CFAP44: variants seen among roughly 807,000 people sequenced by gnomAD.
CFAP44 encodes cilia- and flagella-associated protein 44.
A neutral mutation model predicts 216.2 loss-of-function variants in CFAP44; 134 were observed. The observed-to-expected ratio is 0.62, with a 90% CI of 0.54 to 0.72. The LOEUF is 0.72. CFAP44 is among the 30% of genes least tolerant of loss of function. The pLI, the probability that CFAP44 is intolerant of heterozygous loss-of-function variation, is 0.00. For synonymous variants in CFAP44, 700 were observed against 727.6 expected, an observed-to-expected ratio of 0.96 and a Z score of 0.61; for missense variants, 2,035 against 2,182.1, an observed-to-expected ratio of 0.93 and a Z score of 1.34.
At chr3:113,428,187 C>T (rs1340212682) in intron 2 of CFAP44, among the ~76,000 whole-genome samples, 1 of 152,308 alleles carries the variant, frequency 6.6e-6, no homozygotes, top group African/African-American at 2.4e-5. Flanking sequence ...AATACCTTAG[C>T]TCTTTCTTGT....
chr3:113,427,068 T>C, intron 3 of CFAP44, 119 bp downstream of exon 3: 1 of 1,103,186 alleles, frequency 9.1e-7, no homozygotes, highest in Non-Finnish European at 1.3e-6. Context: ...CCTTTTATCA[T>C]TCCCACACAT....
chr3:113,440,924 G>A (rs1001390844), intron 1 of CFAP44, among the ~76,000 whole-genome samples: 20 of 152,168 alleles, frequency 1.3e-4, no homozygotes, highest in Non-Finnish European at 2.5e-4. Context: ...ACATGTATGC[G>A]ACTGTCTTTA....
At chr3:113,412,164 G>A (rs1042518146) in intron 6 of CFAP44, among the ~76,000 whole-genome samples, 12 of 152,124 alleles carry the variant, frequency 7.9e-5, no homozygotes, top group African/African-American at 2.7e-4. Context: ...TTCTGGCCGG[G>A]CAATCAGGCA....
chr3:113,395,361 G>A (rs1391657391), intron 15 of CFAP44, among the ~76,000 whole-genome samples: 1 of 152,190 alleles, frequency 6.6e-6, no homozygotes, highest in Non-Finnish European at 1.5e-5. Flanking sequence ...TAAAGATGAG[G>A]AAAAGTACAT....
At position 113,366,094 on chromosome 3, in the gene CFAP44, A is replaced by C; in HGVS notation, c.2660T>G (p.Ile887Ser). The C allele has an allele frequency of 6.2e-7, 1 of 1,613,974 alleles. No homozygotes were observed. Among genetic ancestry groups the C allele is most frequent in the Non-Finnish European group, 8.5e-7 (1 of 1,179,920 alleles). Residue 887 changes from isoleucine (I) to serine (S), a missense_variant, in exon 19 of 35, where the codon ATT (isoleucine) becomes AGT (serine). By Grantham distance (142) the Ile-to-Ser change is moderately radical (BLOSUM62 -2). This residue lies in a region of CFAP44 where 1,883 missense variants were observed against 2,023.7 expected (regional missense o/e 0.93). Transcript: ENST00000393845. ...GADGNIFVFN[I>S]FSEFMLRKDM... Reference sequence around the variant, plus strand: ...TTTCCTTAGCATAAATTCAGAAAAAATGTTGAAAACAAAGATATTGCCATC... The same window carrying C: ...TTTCCTTAGCATAAATTCAGAAAAACTGTTGAAAACAAAGATATTGCCATC...
At position 113,420,094 on chromosome 3, in the gene CFAP44, G is replaced by C. The variant is rs1189290280; in HGVS notation, c.493C>G (p.Leu165Val). 1.9e-6 allele frequency: 3 copies of C among 1,614,026 alleles called. No homozygotes were observed. Among genetic ancestry groups the C allele is most frequent in the Non-Finnish European group, 2.5e-6 (3 of 1,179,950 alleles). ...TTGGTTTTCAAATTCAGAAAGATCAGTTGGTTCCCAGCTATGTATATGGCG... is the reference window on the plus strand; with the variant it reads ...TTGGTTTTCAAATTCAGAAAGATCACTTGGTTCCCAGCTATGTATATGGCG... ...SIAIYIAGNQLIFLNLKTKEQ... is the reference protein window; with the variant it reads ...SIAIYIAGNQVIFLNLKTKEQ... The change falls in exon 5 of 35, where the codon CTG becomes GTG. Residue 165 changes from leucine to valine, a missense_variant. By Grantham distance (32) the Leu-to-Val change is conservative. Coordinates refer to ENST00000393845, the MANE Select transcript of CFAP44 (RefSeq NM_001164496.2).
At chr3:113,380,161 A>G (rs1933467725) in intron 16 of CFAP44, among the ~76,000 whole-genome samples, 1 of 152,272 alleles carries the variant, frequency 6.6e-6, no homozygotes, top group South Asian at 2.1e-4. Flanking sequence ...AGCATTAGGT[A>G]TATCTCCCAA....
At chr3:113,377,063 T>C (rs992890718) in intron 17 of CFAP44, among the ~76,000 whole-genome samples, 3 of 152,198 alleles carry the variant, frequency 2.0e-5, no homozygotes, top group Admixed American at 1.3e-4. Context: ...TTACATCTAA[T>C]TGAGACAAGA....
At chr3:113,386,172 T>C (rs767723795) in intron 15 of CFAP44, among the ~76,000 whole-genome samples, 3 of 152,216 alleles carry the variant, frequency 2.0e-5, no homozygotes, top group Non-Finnish European at 2.9e-5. Flanking sequence ...TATCTTATGA[T>C]AGTTTTTTAT....
intron 22 of CFAP44, among the ~76,000 whole-genome samples, chr3:113,348,192 C>T (rs1950407630): frequency 6.6e-6 from 1 of 152,146 alleles, no homozygotes; most frequent in African/African-American, 2.4e-5. Flanking sequence ...ATTGCAGGTT[C>T]TTGGGTCGGG....
chr3:113,294,115 CA>C (rs1949857429), intron 34 of CFAP44: 2 of 454,218 alleles, frequency 4.4e-6, no homozygotes, highest in East Asian at 1.4e-4. Context: ...AAGTATATAA[CA>C]TAGAGTTTGG....
chr3:113,357,828 G>A (rs1007208869), intron 22 of CFAP44, among the ~76,000 whole-genome samples: 3 of 152,116 alleles, frequency 2.0e-5, no homozygotes, highest in Non-Finnish European at 2.9e-5. Context: ...TGGCCCAGCA[G>A]TTCCACAACT....
At chr3:113,351,963 A>T (rs1950449203) in intron 22 of CFAP44, among the ~76,000 whole-genome samples, 1 of 152,180 alleles carries the variant, frequency 6.6e-6, no homozygotes, top group Admixed American at 6.5e-5. Context: ...TCTGGAGGAC[A>T]CTACAACTAC....
Position 113,435,997 on chromosome 3 carries a change from T to C in CFAP44, c.-5-2328A>G, listed in dbSNP as rs566192857. The stretch of plus-strand genomic sequence containing the variant: ...TTTCCTTCCACCTAATTGTAGAATA[T>C]ATACCTTTTGGGGTTTATGGAGGGG... On this transcript the variant is annotated intron_variant, in intron 1 of 34. Transcript: ENST00000393845. Among the ~76,000 whole-genome samples, 4 of 152,000 alleles carry C rather than the reference T, an allele frequency of 2.6e-5. No individual in the cohort carries two copies. The South Asian group carries it at 8.3e-4, about 32-fold the overall frequency.
chr3:113,419,233 A>G (rs6438148), intron 5 of CFAP44, among the ~76,000 whole-genome samples: 74,499 of 151,884 alleles, frequency 0.49, 18,945 homozygotes, highest in East Asian at 0.68. Context: ...CGACCCTTAC[A>G]TTGGGCCCAT....
At chr3:113,436,780 A>T (rs567643273) in intron 1 of CFAP44, among the ~76,000 whole-genome samples, 2 of 152,130 alleles carry the variant, frequency 1.3e-5, no homozygotes, top group African/African-American at 4.8e-5. Context: ...CTAAATGAAA[A>T]TTTTTCATCT....
At position 113,367,051 on chromosome 3, in the gene CFAP44, G is replaced by A. The variant is rs181514775; in HGVS notation, c.2445-742C>T. On this transcript the variant is annotated intron_variant, in intron 18 of 34. Transcript: ENST00000393845. Reference sequence around the variant, plus strand: ...TGAGGCTTGACTAAGTAAACAAAGCGGTTGGGAAGCTCTAACTGGGCAGAG... The same window carrying A: ...TGAGGCTTGACTAAGTAAACAAAGCAGTTGGGAAGCTCTAACTGGGCAGAG... Among the ~76,000 whole-genome samples the A allele has an allele frequency of 1.4e-4, 21 of 151,816 alleles. No homozygotes were observed. In the East Asian group the frequency reaches 2.9e-3, roughly 21 times the overall value.
At chr3:113,438,818 C>T (rs1036607208) in intron 1 of CFAP44, among the ~76,000 whole-genome samples, 1 of 152,184 alleles carries the variant, frequency 6.6e-6, no homozygotes, top group Non-Finnish European at 1.5e-5. Flanking sequence ...TCATTTCTCT[C>T]CAGATCCTCT....
rs115740965 is a variant in CFAP44 at position 113,336,315 on chromosome 3, A to G, written c.3438-2732T>C. Among the ~76,000 whole-genome samples the G allele has an allele frequency of 8.9e-3, 1,357 of 152,188 alleles. 17 individuals are homozygous for G. The highest frequency in any genetic ancestry group is 0.03 in the African/African-American group (1,266 of 41,568). On this transcript the variant is annotated intron_variant, in intron 24 of 34. Coordinates refer to ENST00000393845, the MANE Select transcript of CFAP44 (RefSeq NM_001164496.2). ...AAAAGATCTATAACATGGGTAAATC[A>G]CTAGCTGGAATGATCAAGAAAAAGA...
Sources: gnomAD v4.1 joint callset for allele counts (sites outside exome capture counted in the v4.1 genomes callset) on GRCh38, gnomAD v4.1.1 for gene constraint, gnomAD v4.1.1 regional missense constraint, MANE v1.5 for transcripts, NCBI Gene and HGNC (gene_info 2026-07-23, HGNC 2026-07-21) for gene names.